The following NANOGNB variants were observed in gnomAD, a reference collection of about 807,000 sequenced individuals.
NANOGNB encodes NANOG neighbor homeobox.
A neutral mutation model predicts 25.0 loss-of-function variants in NANOGNB; 30 were observed. The ratio of observed to expected loss-of-function variants is 1.20; its 90% CI spans 0.90 to 1.63. The LOEUF is 1.63. NANOGNB is among the 40% of genes most tolerant of loss of function. The pLI is 0.00. For missense variants in NANOGNB, 200 were observed against 188.1 expected, an observed-to-expected ratio of 1.06 and a Z score of -0.37; for synonymous variants, 84 against 62.1, an observed-to-expected ratio of 1.35 and a Z score of -1.66.
At chr12:7,772,817 C>T (rs1862595584) in intron 3 of NANOGNB, among the ~76,000 whole-genome samples, 1 of 151,972 alleles carries the variant, frequency 6.6e-6, no homozygotes, top group Non-Finnish European at 1.5e-5. Context: ...CTCCTGGCCT[C>T]AAGTGATCTG....
chr12:7,767,907 C>T (rs368012425), intron 1 of NANOGNB, among the ~76,000 whole-genome samples: 1 of 151,766 alleles, frequency 6.6e-6, no homozygotes, highest in Non-Finnish European at 1.5e-5. Flanking sequence ...GAGAGGAGAC[C>T]TCACTCTGTT....
chr12:7,773,545 A>C lies in NANOGNB; in HGVS notation c.516-255A>C, dbSNP rs28457667. 1.1e-3 allele frequency among the ~76,000 whole-genome samples: 132 copies of C among 124,622 alleles called. 2 individuals carry two copies. The highest frequency in any genetic ancestry group is 3.8e-3 in the African/African-American group (128 of 33,578). 81.8% of individuals were successfully genotyped at this position (124,622 alleles called of 152,430 possible). On this transcript the variant is annotated intron_variant, in intron 3 of 3. Coordinates refer to ENST00000382119, the MANE Select transcript of NANOGNB (RefSeq NM_001145465.1). The stretch of plus-strand genomic sequence containing the variant: ...GTGAAACTCCATCTCTACTAAAAAT[A>C]CAAAAAAAAAAAAAAAAAAAAAAAA...
In NANOGNB at chr12:7,770,200, G is replaced by T. The variant is rs759460411; in HGVS notation, c.320G>T (p.Arg107Ile). The change falls in exon 2 of 4, where the codon AGA becomes ATA. Residue 107 changes from arginine (R) to isoleucine (I), a missense_variant. Transcript: ENST00000382119. ...NEKQKQYPEK[R>I]LVSKSLMHTL... is the part of the protein sequence containing the mutation. ...AAACAGAAACAGTATCCCGAGAAAA[G>T]ATTAGTCAGCAAATCCCTCATGCAT... 10 of 1,551,898 alleles carry T rather than the reference G, an allele frequency of 6.4e-6. No homozygotes were observed. Among genetic ancestry groups the T allele is most frequent in the Non-Finnish European group, 8.7e-6 (10 of 1,147,064 alleles).
At chr12:7,769,659 A>G (rs761950450) in intron 1 of NANOGNB, among the ~76,000 whole-genome samples, 4 of 151,776 alleles carry the variant, frequency 2.6e-5, no homozygotes, top group African/African-American at 9.7e-5. Flanking sequence ...CCCGAGTAGC[A>G]TGGGGCTACG....
rs1862613402 is a variant in NANOGNB at position 7,774,022 on chromosome 12, A to C, written c.*171A>C. The C allele has an allele frequency of 2.4e-6, 1 of 412,646 alleles. No individual in the cohort carries two copies. 25.6% of individuals were successfully genotyped at this position (412,646 alleles called of 1,614,324 possible). ...GAGTAGAACTAAATGAGGGGTATGC[A>C]AAGGAGTTTTTATGTGTTTTATTTT... On this transcript the variant is annotated 3_prime_UTR_variant, in exon 4 of 4. Coordinates refer to ENST00000382119, the MANE Select transcript of NANOGNB (RefSeq NM_001145465.1).
chr12:7,771,623 T>C (rs1862568454), intron 3 of NANOGNB, among the ~76,000 whole-genome samples: 1 of 151,884 alleles, frequency 6.6e-6, no homozygotes, highest in African/African-American at 2.4e-5. Flanking sequence ...TGATCATTGT[T>C]TTTTGTTTGT....
At chr12:7,765,432 T>C (rs1228952537) in intron 1 of NANOGNB, 45 bp downstream of exon 1, 12 of 355,024 alleles carry the variant, frequency 3.4e-5, no homozygotes, top group South Asian at 2.5e-4. Flanking sequence ...TAGCTGGGCG[T>C]GGTGGCGGGC....
chr12:7,769,072 A>C (rs1192742405), intron 1 of NANOGNB, among the ~76,000 whole-genome samples: 1 of 152,148 alleles, frequency 6.6e-6, no homozygotes, highest in East Asian at 1.9e-4. Context: ...TCCATCGCAC[A>C]CTGAAGGGTT....
chr12:7,770,982 A>G (rs1405818105), intron 3 of NANOGNB, among the ~76,000 whole-genome samples: 1 of 152,142 alleles, frequency 6.6e-6, no homozygotes, highest in Non-Finnish European at 1.5e-5. Context: ...CTCTACTCAA[A>G]ACACCACACA....
rs961887232 is a variant in NANOGNB at position 7,766,142 on chromosome 12, C to T, written c.102+755C>T. 3.5e-5 allele frequency: 14 copies of T among 398,330 alleles called. 1 individual carries two copies. The highest frequency in any genetic ancestry group is 1.3e-4 in the Admixed American group (3 of 22,642). The allele number at this position is 398,330 out of a possible 1,614,324, so 24.7% of individuals were successfully genotyped here. A position where few individuals can be genotyped will look rare whatever the true frequency, so the allele number is the denominator to read the frequency against. On this transcript the variant is annotated intron_variant, in intron 1 of 3. Transcript: ENST00000382119. Reference sequence around the variant, plus strand: ...ACTCTTTCAATGTGGAGAGAGATCCCGATACTTCAGAAGCCCCTGATCATT... The same window carrying T: ...ACTCTTTCAATGTGGAGAGAGATCCTGATACTTCAGAAGCCCCTGATCATT...
intron 3 of NANOGNB, among the ~76,000 whole-genome samples, chr12:7,771,260 G>A (rs879682509): frequency 2.6e-5 from 4 of 152,032 alleles, no homozygotes; most frequent in South Asian, 2.1e-4. Flanking sequence ...TTGCGCTCTC[G>A]CCCAGGCTGG....
chr12:7,772,945 G>T (rs1862596693), intron 3 of NANOGNB, among the ~76,000 whole-genome samples: 2 of 151,812 alleles, frequency 1.3e-5, no homozygotes, highest in Non-Finnish European at 2.9e-5. Flanking sequence ...GCCAAGTGGG[G>T]ATTAAAAGAG....
Position 7,772,803 on chromosome 12 carries a change from C to G in NANOGNB, c.516-997C>G, listed in dbSNP as rs987393141. ...TTCACTATGTTGGCCAGACTGGTCT[C>G]GAACTCCTGGCCTCAAGTGATCTGC... On this transcript the variant is annotated intron_variant, in intron 3 of 3. Transcript: ENST00000382119. Among the ~76,000 whole-genome samples the G allele has an allele frequency of 4.6e-5, 7 of 151,964 alleles. No homozygotes were observed. The East Asian group carries it at 7.7e-4, about 17-fold the overall frequency.
chr12:7,773,615 A>G (rs368301633), intron 3 of NANOGNB, among the ~76,000 whole-genome samples, 185 bp from the exon 4 acceptor site: 3 of 144,276 alleles, frequency 2.1e-5, no homozygotes, highest in Non-Finnish European at 4.5e-5. Context: ...AATCCCAGCT[A>G]CTCGGGAGGC....
At chr12:7,769,331 T>G (rs1865272362) in intron 1 of NANOGNB, among the ~76,000 whole-genome samples, 3 of 151,380 alleles carry the variant, frequency 2.0e-5, no homozygotes, top group Admixed American at 6.6e-5. Context: ...GGCAAATTTT[T>G]TTTTTTTTTT....
At chr12:7,769,193 C>G (rs1008024483) in intron 1 of NANOGNB, among the ~76,000 whole-genome samples, 10 of 151,816 alleles carry the variant, frequency 6.6e-5, no homozygotes, top group African/African-American at 2.4e-4. Context: ...AGAGTCTGGC[C>G]CTGTTGCCCA....
chr12:7,771,478 G>A (rs965395728), intron 3 of NANOGNB, among the ~76,000 whole-genome samples: 1 of 151,312 alleles, frequency 6.6e-6, no homozygotes, highest in African/African-American at 2.4e-5. Flanking sequence ...CTCGGCCTCC[G>A]AAAGTGCTGG....
chr12:7,769,801 C>T (rs1301309306), intron 1 of NANOGNB, among the ~76,000 whole-genome samples, 182 bp from the exon 2 acceptor site: 1 of 152,206 alleles, frequency 6.6e-6, no homozygotes, highest in Non-Finnish European at 1.5e-5. Context: ...GCTGGGATTA[C>T]AGGCATGAGC....
chr12:7,772,951 AAG>A (rs1314211678), intron 3 of NANOGNB, among the ~76,000 whole-genome samples: 1 of 152,010 alleles, frequency 6.6e-6, no homozygotes, highest in Non-Finnish European at 1.5e-5. Context: ...TGGGGATTAA[AAG>A]AGTTACATGC....
Sources: gnomAD v4.1 joint callset for allele counts (sites outside exome capture counted in the v4.1 genomes callset) on GRCh38, gnomAD v4.1.1 for gene constraint, MANE v1.5 for transcripts, NCBI Gene and HGNC (gene_info 2026-07-23, HGNC 2026-07-21) for gene names.